CACNB4: variants seen among roughly 807,000 people sequenced by gnomAD.
CACNB4 encodes the protein voltage-dependent L-type calcium channel subunit beta-4.
Under a neutral mutation model 71.2 loss-of-function variants are expected in CACNB4, and 32 were observed. The ratio of observed to expected loss-of-function variants is 0.45; its 90% CI spans 0.34 to 0.60. CACNB4 has a LOEUF of 0.60. Among genes scored for constraint, CACNB4 ranks in the 20% least tolerant of loss-of-function variants. The pLI is 0.01. For synonymous variants in CACNB4, 231 were observed against 236.9 expected (o/e 0.97, Z 0.23); for missense variants, 464 against 647.9 (o/e 0.72, Z 3.08).
At chr2:152,097,202 T>C (rs1182855061) in intron 2 of CACNB4, among the ~76,000 whole-genome samples, 3 of 152,190 alleles carry the variant, frequency 2.0e-5, no homozygotes, top group Admixed American at 2.0e-4. Flanking sequence ...CATCTAAATA[T>C]GCTTTATAGA....
Position 152,098,549 on chromosome 2 carries a change from C to G in CACNB4, c.64-136G>C. The stretch of plus-strand genomic sequence containing the variant: ...AGAGCCCGCACCCAAGTCTCCTCCG[C>G]GACTCCCAAATACAGCCCCCACCCC... On this transcript the variant is annotated intron_variant, in intron 1 of 13. Coordinates refer to ENST00000539935, the MANE Select transcript of CACNB4 (RefSeq NM_000726.5). The surrounding 1 kb of genome is among the most constrained non-coding windows in gnomAD (Gnocchi z 5.3). The G allele has an allele frequency of 7.3e-7, 1 of 1,374,524 alleles. No homozygotes were observed. The highest frequency in any genetic ancestry group is 1.0e-6 in the Non-Finnish European group (1 of 981,792). The allele number at this position is 1,374,524 out of a possible 1,614,324, so 85.1% of individuals were successfully genotyped here. A position where few individuals can be genotyped will look rare whatever the true frequency, so the allele number is the denominator to read the frequency against.
chr2:152,030,133 C>T (rs1178422467), intron 2 of CACNB4, among the ~76,000 whole-genome samples: 1 of 151,908 alleles, frequency 6.6e-6, no homozygotes, highest in Non-Finnish European at 1.5e-5. Flanking sequence ...TACATTTCTA[C>T]TCTTCACTTT....
intron 2 of CACNB4, among the ~76,000 whole-genome samples, chr2:151,901,316 T>G (rs2099853372): frequency 6.6e-6 from 1 of 152,142 alleles, no homozygotes; most frequent in South Asian, 2.1e-4. Context: ...GTGTTAAATT[T>G]ATCAACAAAC....
rs1247445796 is a variant in CACNB4, at chr2:151,832,891, TTTTC to T, written c.*6224_*6227del. On this transcript the variant is annotated 3_prime_UTR_variant, in exon 14 of 14. Coordinates refer to ENST00000539935, the MANE Select transcript of CACNB4 (RefSeq NM_000726.5). ...GGATACTCTATGCATGCACTCTGCA[TTTTC>T]TTTGTTAATGTTTTTATTCACAAAA... is the stretch of plus-strand genomic sequence containing the variant. 1 of 152,222 alleles carries T rather than the reference TTTTC, an allele frequency of 6.6e-6. No individual in the cohort carries two copies. The highest frequency in any genetic ancestry group is 2.4e-5 in the African/African-American group (1 of 41,464). 9.4% of individuals were successfully genotyped at this position (152,222 alleles called of 1,614,324 possible). A position where few individuals can be genotyped will look rare whatever the true frequency, so the allele number is the denominator to read the frequency against.
At chr2:151,889,157 T>C (rs1406245255) in intron 2 of CACNB4, among the ~76,000 whole-genome samples, 2 of 152,206 alleles carry the variant, frequency 1.3e-5, no homozygotes, top group Non-Finnish European at 2.9e-5. Context: ...CTAATCTTGG[T>C]GTAAATTTGG....
chr2:151,895,162 G>A (rs1327355314), intron 2 of CACNB4, among the ~76,000 whole-genome samples: 2 of 140,864 alleles, frequency 1.4e-5, no homozygotes, highest in East Asian at 2.1e-4. Context: ...TGAGCAAAAC[G>A]AACAAAGCTG....
At chr2:151,851,064 T>G (rs1220976973) in intron 12 of CACNB4, 1 of 152,194 alleles carries the variant, frequency 6.6e-6, no homozygotes, top group Non-Finnish European at 1.5e-5. Context: ...TTGCTGACTT[T>G]TCATACTGGA....
rs375739769 is a variant in CACNB4, at chr2:151,886,005, GC to G, written c.148-2636del. 1.4e-3 allele frequency among the ~76,000 whole-genome samples: 216 copies of G among 152,168 alleles called. 1 individual carries two copies. The highest frequency in any genetic ancestry group is 5.0e-3 in the African/African-American group (208 of 41,518). On this transcript the variant is annotated intron_variant, in intron 2 of 13. Coordinates refer to ENST00000539935, the MANE Select transcript of CACNB4 (RefSeq NM_000726.5). ...TTTTTCTTTTTTTTGTAGAGAGAGG[GC>G]CTTGTCATGTTGCCCAGGCTGGTCT...
At chr2:151,868,962 G>A (rs1464455638) in intron 9 of CACNB4, 1 of 353,058 alleles carries the variant, frequency 2.8e-6, no homozygotes, top group Admixed American at 4.5e-5. Flanking sequence ...TAAAACAAAT[G>A]GCTTATTTTT....
intron 2 of CACNB4, among the ~76,000 whole-genome samples, chr2:151,941,627 T>G (rs1470693114): frequency 6.6e-6 from 1 of 152,076 alleles, no homozygotes; most frequent in African/African-American, 2.4e-5. Flanking sequence ...ATTGTAAGAC[T>G]AGCATCTCCC....
chr2:151,957,255 GGC>G (rs1335333551), intron 2 of CACNB4, among the ~76,000 whole-genome samples: 3 of 24,942 alleles, frequency 1.2e-4, no homozygotes, highest in African/African-American at 2.1e-4. Context: ...AGAGTGGCTG[GGC>G]GTGTGTGTGT....
chr2:152,040,560 G>A (rs776480503), intron 2 of CACNB4, among the ~76,000 whole-genome samples: 9 of 152,106 alleles, frequency 5.9e-5, no homozygotes, highest in Non-Finnish European at 1.2e-4. Context: ...TACTGCCTCA[G>A]CTTCCTGAGT....
intron 2 of CACNB4, among the ~76,000 whole-genome samples, chr2:151,916,037 C>G: frequency 8.1e-6 from 1 of 124,012 alleles, no homozygotes; most frequent in Admixed American, 8.2e-5. Context: ...GGCTGCGGTA[C>G]TACACTGTTC....
intron 2 of CACNB4, among the ~76,000 whole-genome samples, chr2:152,031,868 C>T (rs1398209074): frequency 6.6e-6 from 1 of 152,152 alleles, no homozygotes; most frequent in Non-Finnish European, 1.5e-5. Flanking sequence ...AGAAAACTGC[C>T]CTTTCTGTTG....
rs78697588 is a variant in CACNB4, at chr2:151,838,229, C to G, written c.*890G>C. The stretch of plus-strand genomic sequence containing the variant: ...ATTCCTGGATGTATGTAGTTGTGCT[C>G]AGATTGATTAAAGGGAGAACAACAC... On this transcript the variant is annotated 3_prime_UTR_variant, in exon 14 of 14. Transcript: ENST00000539935. 7,585 of 152,624 alleles carry G rather than the reference C, an allele frequency of 0.05. 256 individuals carry two copies. The highest frequency in any genetic ancestry group is 0.074 in the South Asian group (356 of 4,822). The allele number at this position is 152,624 out of a possible 1,614,324, so 9.5% of individuals were successfully genotyped here.
At chr2:152,089,657 C>A (rs970044579) in intron 2 of CACNB4, among the ~76,000 whole-genome samples, 2 of 152,074 alleles carry the variant, frequency 1.3e-5, no homozygotes, top group Non-Finnish European at 2.9e-5. Context: ...CAAAGCCAAG[C>A]GCAGTGGCTC....
intron 2 of CACNB4, among the ~76,000 whole-genome samples, chr2:151,980,299 C>T (rs115316634): frequency 0.019 from 2,908 of 152,170 alleles, 89 homozygotes; most frequent in African/African-American, 0.065. Context: ...AGTGTGGCCC[C>T]AACACTTCTC....
chr2:152,074,663 A>C (rs1421368010), intron 2 of CACNB4, among the ~76,000 whole-genome samples: 3 of 28,618 alleles, frequency 1.0e-4, no homozygotes, highest in African/African-American at 1.5e-4. Context: ...TCACCCCCTC[A>C]CCATTACCAC....
chr2:151,984,681 C>A (rs1206320313), intron 2 of CACNB4, among the ~76,000 whole-genome samples: 2 of 152,150 alleles, frequency 1.3e-5, no homozygotes, highest in African/African-American at 2.4e-5. Flanking sequence ...TAACCATATA[C>A]TTGATGAATA....
Sources: allele counts gnomAD v4.1 joint callset (sites outside exome capture counted in the v4.1 genomes callset), GRCh38; gene constraint gnomAD v4.1.1; non-coding constraint Gnocchi (gnomAD v3.1); transcripts MANE v1.5; gene names NCBI Gene and HGNC (gene_info 2026-07-23, HGNC 2026-07-21).